MTPAP: variants seen among roughly 807,000 people sequenced by gnomAD.
MTPAP encodes mitochondrial poly(A) polymerase, also known as poly(A) RNA polymerase, mitochondrial.
In MTPAP, 23 loss-of-function variants were observed where a neutral mutation model predicts 48.7. The observed-to-expected ratio is 0.47, with a 90% CI of 0.34 to 0.67. The LOEUF (loss-of-function observed/expected upper bound fraction) is 0.67, where lower values mean the gene tolerates loss of function less well. MTPAP is among the 30% of genes least tolerant of loss of function. The probability of loss-of-function intolerance (pLI) is 0.01; values close to 1 mark genes in which losing one functional copy is unlikely to be tolerated. For missense variants in MTPAP, 614 were observed against 694.3 expected, an observed-to-expected ratio of 0.88 and a Z score of 1.30; for synonymous variants, 257 against 254.1, an observed-to-expected ratio of 1.01 and a Z score of -0.11.
intron 4 of MTPAP, among the ~76,000 whole-genome samples, chr10:30,328,259 A>G (rs1323247276): frequency 1.3e-5 from 2 of 152,360 alleles, no homozygotes; most frequent in African/African-American, 2.4e-5. Flanking sequence ...TAAAACAGAA[A>G]TGAGATTTTT....
At chr10:30,316,867 A>C (rs1840668870) in intron 6 of MTPAP, among the ~76,000 whole-genome samples, 1 of 151,106 alleles carries the variant, frequency 6.6e-6, no homozygotes, top group South Asian at 2.1e-4. Flanking sequence ...CCTGGGCAAG[A>C]GAGCAAGACT....
At chr10:30,338,312 A>G (rs1052570649) in intron 3 of MTPAP, among the ~76,000 whole-genome samples, 3 of 144,746 alleles carry the variant, frequency 2.1e-5, no homozygotes, top group Admixed American at 1.4e-4. Flanking sequence ...ACATAACAAC[A>G]TAACATTAAC....
rs750071671 is a variant in MTPAP at position 30,316,225 on chromosome 10, A to G, written c.1220-15T>C. 5.6e-6 allele frequency: 9 copies of G among 1,603,324 alleles called. 1 individual carries two copies. In the South Asian group the frequency reaches 8.8e-5, roughly 16 times the overall value. ...ATCTTCTGCATCTTAAACACAAACA[A>G]AAAATATTTCACGTGTTTTTTTTTT... is the stretch of plus-strand genomic sequence containing the variant. On this transcript the variant is annotated splice_polypyrimidine_tract_variant and intron_variant, in intron 6 of 8. Transcript: ENST00000263063.
intron 5 of MTPAP, among the ~76,000 whole-genome samples, chr10:30,326,180 C>G (rs1017219267): frequency 1.3e-5 from 2 of 152,150 alleles, no homozygotes; most frequent in African/African-American, 4.8e-5. Context: ...AAATACATTT[C>G]TTCTCAGAGG....
chr10:30,316,174 C>T lies in MTPAP; in HGVS notation c.1256G>A (p.Cys419Tyr), dbSNP rs1237042308. 1.9e-6 allele frequency: 3 copies of T among 1,613,708 alleles called. No homozygotes were observed. Among genetic ancestry groups the T allele is most frequent in the African/African-American group, 1.3e-5 (1 of 74,870 alleles). Residue 419 changes from cysteine (C) to tyrosine (Y), a missense_variant, in exon 7 of 9, where the codon TGC (cysteine) becomes TAC (tyrosine). Cys to Tyr is a radical substitution (Grantham distance 194). Transcript: ENST00000263063. ...EDKCVIEGNN[C>Y]TFVRDLSRIK... ...TCTACTCAAGTCACGAACAAATGTG[C>T]AGTTGTTGCCTTCTATTACACATTT...
rs867397549 is a variant in MTPAP at position 30,340,370 on chromosome 10, G to A, written c.411C>T (p.Ala137=). 3 of 1,614,132 alleles carry A rather than the reference G, an allele frequency of 1.9e-6. No individual in the cohort carries two copies. The highest frequency in any genetic ancestry group is 2.2e-5 in the South Asian group (2 of 91,072). ...LQNGTHTPST[A]METAIPFRSR... is the part of the protein sequence containing the mutation. The stretch of plus-strand genomic sequence containing the variant: ...ATCTGAATGGAATTGCAGTCTCCAT[G>A]GCCGTGCTTGGAGTATGAGTCCCAT... Residue 137 remains alanine (A), a synonymous_variant, in exon 3 of 9, where the codon GCC becomes GCT. Transcript: ENST00000263063.
intron 1 of MTPAP, 33 bp from the exon 2 acceptor site, chr10:30,341,673 G>A (rs771971660): frequency 1.2e-5 from 20 of 1,609,064 alleles, no homozygotes; most frequent in African/African-American, 1.3e-5. Context: ...TCCACCACAC[G>A]CACACACACA....
At chr10:30,330,787 C>T (rs1311753129) in intron 4 of MTPAP, among the ~76,000 whole-genome samples, 4 of 152,160 alleles carry the variant, frequency 2.6e-5, no homozygotes, top group Non-Finnish European at 5.9e-5. Flanking sequence ...GTGTCACTTC[C>T]AGGCAGAAAC....
chr10:30,316,999 G>T (rs952919432), intron 6 of MTPAP, among the ~76,000 whole-genome samples: 1 of 152,006 alleles, frequency 6.6e-6, no homozygotes, highest in Non-Finnish European at 1.5e-5. Flanking sequence ...ATTAAATAAC[G>T]ATTTAATCTA....
intron 4 of MTPAP, among the ~76,000 whole-genome samples, chr10:30,332,182 G>A (rs1440787385): frequency 6.6e-6 from 1 of 152,120 alleles, no homozygotes; most frequent in African/African-American, 2.4e-5. Flanking sequence ...TACTAGCAAA[G>A]CTATTATAAT....
intron 4 of MTPAP, among the ~76,000 whole-genome samples, chr10:30,327,333 CAAA>C (rs34178588): frequency 1.6e-5 from 2 of 127,254 alleles, no homozygotes; most frequent in African/African-American, 2.9e-5. Flanking sequence ...TTTAAAAATA[CAAA>C]AAAAAAAAAA....
chr10:30,339,593 C>G (rs1228655230), intron 3 of MTPAP, among the ~76,000 whole-genome samples: 6 of 151,712 alleles, frequency 4.0e-5, no homozygotes, highest in Admixed American at 3.3e-4. Flanking sequence ...AAAACCTAAA[C>G]TGTTCAAAAG....
intron 5 of MTPAP, 111 bp downstream of exon 5, chr10:30,326,313 A>G (rs1834597017): frequency 9.9e-7 from 1 of 1,010,686 alleles, no homozygotes. Context: ...TTTTTAAAAA[A>G]TTATTATTCA....
At chr10:30,319,151 G>A (rs1313529251) in intron 6 of MTPAP, among the ~76,000 whole-genome samples, 3 of 152,130 alleles carry the variant, frequency 2.0e-5, no homozygotes, top group East Asian at 1.9e-4. Context: ...TCATCAAGGA[G>A]TTCAAGAGTG....
At chr10:30,345,917 G>A (rs1256447068) in intron 1 of MTPAP, among the ~76,000 whole-genome samples, 3 of 151,796 alleles carry the variant, frequency 2.0e-5, no homozygotes, top group Non-Finnish European at 2.9e-5. Flanking sequence ...GTGTGGTAAC[G>A]CGTGCCTGTA....
At position 30,310,654 on chromosome 10, in the gene MTPAP, C is replaced by G. The variant is rs551901893; in HGVS notation, c.*2955G>C. 3.3e-5 allele frequency: 5 copies of G among 149,524 alleles called. No homozygotes were observed. The South Asian group carries it at 1.1e-3, about 32-fold the overall frequency. The allele number at this position is 149,524 out of a possible 1,614,324, so 9.3% of individuals were successfully genotyped here. Reference sequence around the variant, plus strand: ...ACACCTGTAACCTGTAATCCCAGCACTTTGAGAGGCTGAGACAGGTAGATC... The same window carrying G: ...ACACCTGTAACCTGTAATCCCAGCAGTTTGAGAGGCTGAGACAGGTAGATC... On this transcript the variant is annotated 3_prime_UTR_variant, in exon 9 of 9. Transcript: ENST00000263063.
At chr10:30,344,741 A>G (rs939918810) in intron 1 of MTPAP, among the ~76,000 whole-genome samples, 3 of 152,170 alleles carry the variant, frequency 2.0e-5, no homozygotes, top group African/African-American at 7.2e-5. Flanking sequence ...GTCTCACTCT[A>G]TTGCCCAGGC....
Position 30,313,898 on chromosome 10 carries a change from C to T in MTPAP, c.1460G>A (p.Ser487Asn). 1 of 1,614,074 alleles carries T rather than the reference C, an allele frequency of 6.2e-7. No individual in the cohort carries two copies. Among genetic ancestry groups the T allele is most frequent in the Non-Finnish European group, 8.5e-7 (1 of 1,180,010 alleles). Residue 487 changes from serine to asparagine, a missense_variant, in exon 9 of 9, where the codon AGC becomes AAC. By Grantham distance (46) the Ser-to-Asn change is conservative. Coordinates refer to ENST00000263063, the MANE Select transcript of MTPAP (RefSeq NM_018109.4). ...CAGCTGGCTTTGACTTACATTTTTG[C>T]TTATGTTGAGAGAAGTTTCAAATGG... ...QNPFETSLNI[S>N]KNVSQSQLQK...
At chr10:30,326,295 GT>G in intron 5 of MTPAP, 128 bp downstream of exon 5, 1 of 830,806 alleles carries the variant, frequency 1.2e-6, no homozygotes. Context: ...TTCAATCCAA[GT>G]GATAAATTTT....
Sources: allele counts gnomAD v4.1 joint callset (sites outside exome capture counted in the v4.1 genomes callset), GRCh38; gene constraint gnomAD v4.1.1; transcripts MANE v1.5; gene names NCBI Gene and HGNC (gene_info 2026-07-23, HGNC 2026-07-21).